Variants in MAGI2 observed in about 807,000 individuals in gnomAD.
The protein encoded by MAGI2 is membrane associated guanylate kinase, WW and PDZ domain containing 2.
In MAGI2, 35 loss-of-function variants were observed where a neutral mutation model predicts 133.3. The ratio of observed to expected loss-of-function variants is 0.26; its 90% CI spans 0.20 to 0.35. MAGI2 has a LOEUF of 0.35. Ranked by LOEUF, MAGI2 falls within the 10% of genes least tolerant of loss-of-function variation. The probability of loss-of-function intolerance (pLI) is 1.00; values close to 1 mark genes in which losing one functional copy is unlikely to be tolerated. For synonymous variants in MAGI2, 729 were observed against 710.6 expected (o/e 1.03, Z -0.41); for missense variants, 1,636 against 1,863.4 (o/e 0.88, Z 2.25).
chr7:78,501,793 A>AT lies in MAGI2; in HGVS notation c.755-7_755-6insA. On this transcript the variant is annotated splice_region_variant and splice_polypyrimidine_tract_variant and intron_variant, in intron 4 of 21. Transcript: ENST00000354212. ...GTCTTCATGTTCACTGGATTCTATA[A>AT]GAGAACAAGAGCACGTGGTTAGTCA... The AT allele has an allele frequency of 6.2e-7, 1 of 1,610,994 alleles. No homozygotes were observed. The highest frequency in any genetic ancestry group is 1.1e-5 in the South Asian group (1 of 90,972).
chr7:78,112,541 T>C (rs1027222237), intron 20 of MAGI2, among the ~76,000 whole-genome samples: 13 of 152,254 alleles, frequency 8.5e-5, no homozygotes, highest in Admixed American at 7.8e-4. Flanking sequence ...TATATTCATA[T>C]AGTCAGTTAC....
chr7:78,124,555 A>G (rs1429298916), intron 20 of MAGI2, among the ~76,000 whole-genome samples: 5 of 152,124 alleles, frequency 3.3e-5, no homozygotes, highest in Non-Finnish European at 4.4e-5. Flanking sequence ...CCATCAGGGA[A>G]AATTGGTTGG....
intron 1 of MAGI2, among the ~76,000 whole-genome samples, chr7:79,200,922 G>A (rs1241943985): frequency 2.6e-5 from 4 of 151,940 alleles, no homozygotes; most frequent in Non-Finnish European, 4.4e-5. Context: ...AAATTGAGAG[G>A]CTGCCATAGG....
intron 12 of MAGI2, among the ~76,000 whole-genome samples, chr7:78,192,671 T>C (rs1275453119): frequency 6.6e-6 from 1 of 152,152 alleles, no homozygotes. Flanking sequence ...ATAGTTTCTA[T>C]GTTTCATTTA....
intron 10 of MAGI2, among the ~76,000 whole-genome samples, chr7:78,205,947 G>A (rs1829687882): frequency 6.6e-6 from 1 of 152,184 alleles, no homozygotes; most frequent in African/African-American, 2.4e-5. Flanking sequence ...TGTGATACAG[G>A]ATGCTGTGGC....
chr7:78,475,722 T>C (rs1333950106), intron 6 of MAGI2, among the ~76,000 whole-genome samples: 2 of 151,694 alleles, frequency 1.3e-5, no homozygotes, highest in East Asian at 1.9e-4. Flanking sequence ...AAGAGAGTCA[T>C]CAGCATCTAG....
rs116754109 is a variant in MAGI2, at chr7:79,095,165, C to T, written c.302-87959G>A. 8.5e-4 allele frequency among the ~76,000 whole-genome samples: 129 copies of T among 152,272 alleles called. 1 individual carries two copies. Among genetic ancestry groups the T allele is most frequent in the African/African-American group, 2.9e-3 (119 of 41,542 alleles). ...AGCTAGATCTTCTGGATAGCCTCTG[C>T]GAACTTCCAACTTTTCATCTGCAGC... On this transcript the variant is annotated intron_variant, in intron 1 of 21. Coordinates refer to ENST00000354212, the MANE Select transcript of MAGI2 (RefSeq NM_012301.4).
chr7:78,800,777 T>A (rs42330), intron 2 of MAGI2, among the ~76,000 whole-genome samples: 1 of 152,044 alleles, frequency 6.6e-6, no homozygotes, highest in Admixed American at 6.6e-5. Flanking sequence ...AATTCACACT[T>A]AGTCATCCAT....
chr7:79,190,799 T>C (rs898194182), intron 1 of MAGI2, among the ~76,000 whole-genome samples: 4 of 152,000 alleles, frequency 2.6e-5, no homozygotes, highest in South Asian at 2.1e-4. Flanking sequence ...TATTTTAGTA[T>C]ACACTAGTCT....
At chr7:78,057,399 T>A (rs1029105594) in intron 21 of MAGI2, among the ~76,000 whole-genome samples, 1 of 152,098 alleles carries the variant, frequency 6.6e-6, no homozygotes, top group Non-Finnish European at 1.5e-5. Context: ...CCCTCCACCA[T>A]GCCTGGCTAA....
chr7:78,996,471 C>A (rs1377761748), intron 2 of MAGI2, among the ~76,000 whole-genome samples: 1 of 152,012 alleles, frequency 6.6e-6, no homozygotes, highest in East Asian at 1.9e-4. Flanking sequence ...AACTTAGGGA[C>A]ACATAGAAGA....
intron 2 of MAGI2, among the ~76,000 whole-genome samples, chr7:78,659,447 A>AG (rs1812683418): frequency 6.7e-6 from 1 of 149,984 alleles, no homozygotes; most frequent in Non-Finnish European, 1.5e-5. Context: ...AAAAAAAAAA[A>AG]AAAAGCAAAA....
At chr7:78,224,434 G>A (rs186320268) in intron 10 of MAGI2, among the ~76,000 whole-genome samples, 1 of 152,142 alleles carries the variant, frequency 6.6e-6, no homozygotes, top group African/African-American at 2.4e-5. Flanking sequence ...GGGAGGCTGC[G>A]GTGGACAGAT....
intron 1 of MAGI2, among the ~76,000 whole-genome samples, chr7:79,217,828 C>T (rs1830136513): frequency 6.6e-6 from 1 of 151,912 alleles, no homozygotes; most frequent in East Asian, 1.9e-4. Flanking sequence ...TAGAATAGTG[C>T]TTGGTACATA....
chr7:79,125,426 G>C (rs925683808), intron 1 of MAGI2: 3 of 496,560 alleles, frequency 6.0e-6, no homozygotes, highest in African/African-American at 3.9e-5. Flanking sequence ...GATGGGGATA[G>C]CTATAATGGA....
chr7:78,452,034 C>T (rs996550541), intron 6 of MAGI2, among the ~76,000 whole-genome samples: 4 of 152,016 alleles, frequency 2.6e-5, no homozygotes, highest in Non-Finnish European at 5.9e-5. Context: ...ACTGATGTAA[C>T]AATATCTTTG....
intron 1 of MAGI2, among the ~76,000 whole-genome samples, chr7:79,115,403 G>T (rs1393916231): frequency 6.6e-6 from 1 of 152,098 alleles, no homozygotes; most frequent in Admixed American, 6.5e-5. Flanking sequence ...AATAGAAGGT[G>T]CTCTGTTCTT....
At chr7:78,442,490 T>C (rs1434064794) in intron 6 of MAGI2, among the ~76,000 whole-genome samples, 2 of 152,220 alleles carry the variant, frequency 1.3e-5, no homozygotes, top group African/African-American at 2.4e-5. Context: ...TGTAATCATA[T>C]ATCTGAAATC....
At chr7:78,604,351 A>G (rs931636477) in intron 3 of MAGI2, among the ~76,000 whole-genome samples, 1 of 152,194 alleles carries the variant, frequency 6.6e-6, no homozygotes, top group Non-Finnish European at 1.5e-5. Flanking sequence ...TGCTCCAGAA[A>G]TAGATAAAAC....
Sources: allele counts gnomAD v4.1 joint callset (sites outside exome capture counted in the v4.1 genomes callset), GRCh38; gene constraint gnomAD v4.1.1; transcripts MANE v1.5; gene names NCBI Gene and HGNC (gene_info 2026-07-23, HGNC 2026-07-21).